The following HIGD1C variants were observed in gnomAD, a reference collection of about 807,000 sequenced individuals.
HIGD1C encodes the protein HIG1 domain family member 1C.
Under a neutral mutation model 13.1 loss-of-function variants are expected in HIGD1C, and 11 were observed. That is an observed-to-expected ratio of 0.84 (90% CI 0.53 to 1.39). HIGD1C has a LOEUF of 1.39. Ranked by LOEUF, HIGD1C falls within the 40% of genes most tolerant of loss-of-function variation. HIGD1C has a pLI of 0.00. For missense variants in HIGD1C, 110 were observed against 112.0 expected, an observed-to-expected ratio of 0.98 and a Z score of 0.08; for synonymous variants, 36 against 37.7, an observed-to-expected ratio of 0.95 and a Z score of 0.17.
At chr12:50,941,016 T>C in the HIGD1C span, among the ~76,000 whole-genome samples, 1 of 151,990 alleles carries the variant, frequency 6.6e-6, no homozygotes, top group African/African-American at 2.4e-5. Flanking sequence ...GGCTAATTTA[T>C]TTATTTTTAT....
chr12:50,934,137 C>A, the HIGD1C span, among the ~76,000 whole-genome samples: 1 of 152,224 alleles, frequency 6.6e-6, no homozygotes, highest in African/African-American at 2.4e-5. Context: ...AACAAATATA[C>A]ATTATAAACC....
chr12:50,960,886 C>A, intron 1 of HIGD1C, 82 bp from the exon 4 acceptor site: 3 of 1,240,402 alleles, frequency 2.4e-6, no homozygotes, highest in Non-Finnish European at 3.3e-6. Context: ...TGCTATGTTG[C>A]CCAGGCTGTT....
downstream of HIGD1C, chr12:50,970,618 A>T: frequency 1.5e-6 from 1 of 662,464 alleles, no homozygotes; most frequent in Admixed American, 2.8e-5. Context: ...CAGAATGCTC[A>T]TAGCCTTTGT....
chr12:50,947,410 G>A, the HIGD1C span, among the ~76,000 whole-genome samples: 1 of 152,076 alleles, frequency 6.6e-6, no homozygotes, highest in East Asian at 1.9e-4. Context: ...GTTTGTAGAG[G>A]CCACCTTCAC....
chr12:50,931,567 C>G, the HIGD1C span: 2 of 150,914 alleles, frequency 1.3e-5, no homozygotes, highest in African/African-American at 4.9e-5. Flanking sequence ...AAAAATTAGC[C>G]AGGCGTGGTG....
At chr12:50,948,049 C>T in the HIGD1C span, among the ~76,000 whole-genome samples, 36 of 152,332 alleles carry the variant, frequency 2.4e-4, no homozygotes, top group African/African-American at 8.4e-4. Context: ...TGCCCTTACA[C>T]TCTAGGTTTC....
chr12:50,971,786 T>C (rs1187477639), downstream of HIGD1C, among the ~76,000 whole-genome samples: 2 of 152,230 alleles, frequency 1.3e-5, no homozygotes, highest in African/African-American at 4.8e-5. Context: ...GTGTTTCCTG[T>C]AATGGAGGTT....
At chr12:50,945,929 C>T in the HIGD1C span, among the ~76,000 whole-genome samples, 1 of 151,946 alleles carries the variant, frequency 6.6e-6, no homozygotes, top group Non-Finnish European at 1.5e-5. Context: ...TAATACCACA[C>T]ATCTACAACC....
At chr12:50,945,397 A>G in the HIGD1C span, among the ~76,000 whole-genome samples, 88 of 152,346 alleles carry the variant, frequency 5.8e-4, no homozygotes, top group Admixed American at 6.5e-4. Context: ...CTCAGGATAC[A>G]AAATCAATGT....
intron 1 of HIGD1C, among the ~76,000 whole-genome samples, chr12:50,958,591 T>C (rs559794060): frequency 1.2e-4 from 18 of 151,982 alleles, no homozygotes; most frequent in African/African-American, 4.1e-4. Flanking sequence ...TAAAATAATC[T>C]TTTTTAAAAC....
At chr12:50,968,727 A>C (rs1939643870) in intron 2 of HIGD1C, among the ~76,000 whole-genome samples, 1 of 151,894 alleles carries the variant, frequency 6.6e-6, no homozygotes, top group South Asian at 2.1e-4. Context: ...TTTTTAGTAG[A>C]GATGGGGTTT....
chr12:50,952,484 C>T (rs1041227310), upstream of HIGD1C, among the ~76,000 whole-genome samples: 1 of 152,134 alleles, frequency 6.6e-6, no homozygotes, highest in African/African-American at 2.4e-5. Flanking sequence ...GCAAGGTGTT[C>T]TCCAAGGTCT....
At chr12:50,937,823 C>A in the HIGD1C span, among the ~76,000 whole-genome samples, 1 of 152,136 alleles carries the variant, frequency 6.6e-6, no homozygotes, top group Non-Finnish European at 1.5e-5. Context: ...CTGCTATCTG[C>A]AGGCAGGTTG....
intron 2 of HIGD1C, among the ~76,000 whole-genome samples, chr12:50,966,183 C>A (rs1261583934): frequency 6.6e-6 from 1 of 152,146 alleles, no homozygotes. Context: ...ATCCCATCAT[C>A]CCCATTGAAT....
intron 2 of HIGD1C, among the ~76,000 whole-genome samples, chr12:50,961,700 T>C (rs929566144): frequency 1.3e-5 from 2 of 152,152 alleles, no homozygotes; most frequent in African/African-American, 2.4e-5. Flanking sequence ...TAACAAGAAG[T>C]CCATTTTAGG....
intron 1 of HIGD1C, chr12:50,954,354 A>G (rs1158620845): frequency 5.6e-6 from 2 of 356,958 alleles, no homozygotes; most frequent in Non-Finnish European, 1.0e-5. Flanking sequence ...ATTAGTTCCT[A>G]GCCAGTCAAA....
At chr12:50,951,772 AT>A (rs1938902510), upstream of HIGD1C, among the ~76,000 whole-genome samples, 1 of 151,800 alleles carries the variant, frequency 6.6e-6, no homozygotes, top group Admixed American at 6.6e-5. Flanking sequence ...ATACAAAAAA[AT>A]TAGCCGGGCG....
chr12:50,945,856 C>G, the HIGD1C span, among the ~76,000 whole-genome samples: 1 of 151,864 alleles, frequency 6.6e-6, no homozygotes, highest in African/African-American at 2.4e-5. Flanking sequence ...GTAACCAAAA[C>G]AGCATGGTAC....
chr12:50,935,006 T>C, the HIGD1C span: 2 of 152,252 alleles, frequency 1.3e-5, no homozygotes, highest in East Asian at 3.8e-4. Context: ...AATTCCTACA[T>C]AGTTCAAACT....
Sources: allele counts gnomAD v4.1 joint callset (sites outside exome capture counted in the v4.1 genomes callset), GRCh38; gene constraint gnomAD v4.1.1; transcripts MANE v1.5; gene names NCBI Gene and HGNC (gene_info 2026-07-23, HGNC 2026-07-21).